HELZ: variants seen among roughly 807,000 people sequenced by gnomAD.
HELZ encodes the protein ATP-dependent RNA helicase with zinc finger domain.
HELZ carries 23 observed loss-of-function variants against 218.2 expected under a neutral mutation model. The observed-to-expected ratio is 0.11, with a 90% CI of 0.08 to 0.15. HELZ has a LOEUF of 0.15. Among genes scored for constraint, HELZ ranks in the 10% least tolerant of loss-of-function variants. The pLI is 1.00. For missense variants in HELZ, 1,813 were observed against 2,353.7 expected, an observed-to-expected ratio of 0.77 and a Z score of 4.75; for synonymous variants, 814 against 829.4, an observed-to-expected ratio of 0.98 and a Z score of 0.32.
upstream of HELZ, chr17:67,245,910 C>G (rs1225253146): frequency 6.6e-6 from 1 of 152,182 alleles, no homozygotes; most frequent in African/African-American, 2.4e-5. Flanking sequence ...GAATGTGGCT[C>G]CAGGCTCCGC....
chr17:67,166,449 T>C, intron 15 of HELZ, 29 bp downstream of exon 15: 3 of 1,573,800 alleles, frequency 1.9e-6, no homozygotes, highest in Non-Finnish European at 2.6e-6. Context: ...TAACCTAACT[T>C]CCTTTAATAA....
At chr17:67,151,350 C>T (rs1024907851) in intron 17 of HELZ, 126 bp from the exon 18 acceptor site, 15 of 721,064 alleles carry the variant, frequency 2.1e-5, no homozygotes, top group Non-Finnish European at 2.9e-5. Context: ...ATCTGGTAAC[C>T]GTTAGCACTC....
At chr17:67,222,641 C>G (rs1303945633) in intron 3 of HELZ, among the ~76,000 whole-genome samples, 1 of 152,184 alleles carries the variant, frequency 6.6e-6, no homozygotes, top group African/African-American at 2.4e-5. Context: ...CTCCGTTCAG[C>G]TGTTTTGTCG....
intron 22 of HELZ, among the ~76,000 whole-genome samples, chr17:67,137,604 A>G (rs1288908534): frequency 6.6e-6 from 1 of 152,222 alleles, no homozygotes; most frequent in African/African-American, 2.4e-5. Context: ...AATCTTTATG[A>G]AGAAATTCAT....
intron 9 of HELZ, among the ~76,000 whole-genome samples, chr17:67,190,771 C>T (rs932695885): frequency 1.3e-5 from 2 of 152,164 alleles, no homozygotes; most frequent in Non-Finnish European, 2.9e-5. Context: ...AGTGCAGTGG[C>T]GTAATCTCGA....
At chr17:67,163,940 A>G (rs535215045) in intron 15 of HELZ, among the ~76,000 whole-genome samples, 28 of 152,356 alleles carry the variant, frequency 1.8e-4, no homozygotes, top group Admixed American at 3.9e-4. Flanking sequence ...TTACTTTTGC[A>G]GTTAAAACTT....
At chr17:67,186,625 C>T (rs1284689064) in intron 12 of HELZ, among the ~76,000 whole-genome samples, 1 of 152,094 alleles carries the variant, frequency 6.6e-6, no homozygotes, top group Non-Finnish European at 1.5e-5. Context: ...TTACTGCAGA[C>T]ATTTAACATT....
intron 31 of HELZ, among the ~76,000 whole-genome samples, chr17:67,105,487 T>C (rs1023991568): frequency 2.0e-5 from 3 of 152,168 alleles, no homozygotes; most frequent in Non-Finnish European, 2.9e-5. Flanking sequence ...TTAACAGTTA[T>C]GGGGTTTCTT....
At chr17:67,147,275 T>TATATAGATATAG (rs1473552633) in intron 20 of HELZ, among the ~76,000 whole-genome samples, 2 of 152,186 alleles carry the variant, frequency 1.3e-5, no homozygotes, top group East Asian at 3.8e-4. Context: ...TGTGTAGATA[T>TATATAGATATAG]ATATAGATAT....
chr17:67,234,457 C>G (rs1397892809), intron 3 of HELZ, among the ~76,000 whole-genome samples: 3 of 151,972 alleles, frequency 2.0e-5, no homozygotes, highest in Non-Finnish European at 2.9e-5. Flanking sequence ...AGGTTCTCAT[C>G]GCCCTCACTT....
rs879705855 is a variant in HELZ at position 67,193,881 on chromosome 17, A to C, written c.557+86T>G. 3.1e-5 allele frequency: 30 copies of C among 953,900 alleles called. No individual in the cohort carries two copies. In the Admixed American group the frequency reaches 6.3e-4, roughly 20 times the overall value. 59.1% of individuals were successfully genotyped at this position (953,900 alleles called of 1,614,324 possible). A position where few individuals can be genotyped will look rare whatever the true frequency, so the allele number is the denominator to read the frequency against. On this transcript the variant is annotated intron_variant, in intron 9 of 32. Transcript: ENST00000358691. ...TGGCTTCTGTTTCAAATTGAAAATAAACCATTTTACTCCATTAGATAAGGA... is the reference window on the plus strand; with the variant it reads ...TGGCTTCTGTTTCAAATTGAAAATACACCATTTTACTCCATTAGATAAGGA...
In HELZ at chr17:67,077,933, C is replaced by CT. The variant is rs573432295; in HGVS notation, c.*318dup. 1,887 of 129,516 alleles carry CT rather than the reference C, an allele frequency of 0.015. 23 individuals are homozygous for CT. Among genetic ancestry groups the CT allele is most frequent in the East Asian group, 0.036 (163 of 4,470 alleles). The allele number at this position is 129,516 out of a possible 1,614,324, so 8.0% of individuals were successfully genotyped here. ...TTAAATACATTTTAGACAAACTTTT[C>CT]TTTTTTTTTTTTTTTTTATAGTTGC... On this transcript the variant is annotated 3_prime_UTR_variant, in exon 33 of 33. Coordinates refer to ENST00000358691, the MANE Select transcript of HELZ (RefSeq NM_014877.4).
At chr17:67,125,423 T>C (rs1293481066) in intron 24 of HELZ, among the ~76,000 whole-genome samples, 1 of 145,128 alleles carries the variant, frequency 6.9e-6, no homozygotes, top group Non-Finnish European at 1.5e-5. Flanking sequence ...ATGGCAAAAG[T>C]ATAAGATGAG....
chr17:67,120,305 T>A, intron 27 of HELZ, 100 bp downstream of exon 27: 1 of 976,096 alleles, frequency 1.0e-6, no homozygotes, highest in Non-Finnish European at 1.6e-6. Flanking sequence ...CTATAATCCA[T>A]GAAAAAGTTA....
intron 22 of HELZ, 52 bp downstream of exon 22, chr17:67,137,879 C>A: frequency 7.4e-7 from 1 of 1,344,846 alleles, no homozygotes. Context: ...AATGTGAACA[C>A]ACTTTAGATT....
At chr17:67,140,131 G>A (rs954941603) in intron 21 of HELZ, among the ~76,000 whole-genome samples, 11 of 152,226 alleles carry the variant, frequency 7.2e-5, no homozygotes, top group African/African-American at 2.4e-5. Flanking sequence ...CCCCTGATGT[G>A]CACTGCAGAA....
intron 31 of HELZ, among the ~76,000 whole-genome samples, chr17:67,096,901 C>T (rs1209641525): frequency 6.6e-6 from 1 of 152,170 alleles, no homozygotes; most frequent in East Asian, 1.9e-4. Context: ...CTTTGCATTC[C>T]CAGCTTGGCT....
intron 12 of HELZ, chr17:67,179,487 A>AC (rs1200662705): frequency 3.9e-5 from 6 of 152,322 alleles, no homozygotes; most frequent in Non-Finnish European, 7.3e-5. Flanking sequence ...AAAATGCAGT[A>AC]CAATGCCATT....
At chr17:67,094,413 G>C (rs963193552) in intron 31 of HELZ, among the ~76,000 whole-genome samples, 3 of 148,118 alleles carry the variant, frequency 2.0e-5, no homozygotes, top group African/African-American at 7.4e-5. Flanking sequence ...GAGAGATACA[G>C]ACATACCTTG....
Sources: allele counts gnomAD v4.1 joint callset (sites outside exome capture counted in the v4.1 genomes callset), GRCh38; gene constraint gnomAD v4.1.1; transcripts MANE v1.5; gene names NCBI Gene and HGNC (gene_info 2026-07-23, HGNC 2026-07-21).